SH2D4B: variants seen among roughly 807,000 people sequenced by gnomAD.
SH2D4B encodes the protein SH2 domain-containing protein 4B.
SH2D4B carries 45 observed loss-of-function variants against 61.5 expected under a neutral mutation model. That is an observed-to-expected ratio of 0.73 (90% CI 0.58 to 0.94). The LOEUF is 0.94. SH2D4B is among the 40% of genes least tolerant of loss of function. The pLI is 0.00. For missense variants in SH2D4B, 572 were observed against 574.2 expected, an observed-to-expected ratio of 1.00 and a Z score of 0.04; for synonymous variants, 224 against 220.4, an observed-to-expected ratio of 1.02 and a Z score of -0.14.
At chr10:80,564,535 G>C (rs1403743646) in intron 1 of SH2D4B, among the ~76,000 whole-genome samples, 1 of 152,166 alleles carries the variant, frequency 6.6e-6, no homozygotes, top group Non-Finnish European at 1.5e-5. Context: ...TGAAGTATTG[G>C]AGTGTCTCTC....
chr10:80,600,853 G>C (rs1300916884), intron 4 of SH2D4B, among the ~76,000 whole-genome samples: 1 of 152,120 alleles, frequency 6.6e-6, no homozygotes, highest in African/African-American at 2.4e-5. Context: ...TGTCTCTCAG[G>C]GGCTGTAATC....
At chr10:80,570,988 C>T (rs910259028) in intron 2 of SH2D4B, among the ~76,000 whole-genome samples, 1 of 152,142 alleles carries the variant, frequency 6.6e-6, no homozygotes, top group Non-Finnish European at 1.5e-5. Context: ...GATCCTCCCG[C>T]CTCAGCCTCC....
At chr10:80,563,487 A>C (rs537103481) in intron 1 of SH2D4B, among the ~76,000 whole-genome samples, 6 of 152,076 alleles carry the variant, frequency 3.9e-5, no homozygotes, top group Non-Finnish European at 8.8e-5. Flanking sequence ...CTGTTGTTGC[A>C]TGTGCTTTTG....
intron 4 of SH2D4B, among the ~76,000 whole-genome samples, chr10:80,591,593 C>A (rs576116527): frequency 6.7e-6 from 1 of 148,186 alleles, no homozygotes; most frequent in Admixed American, 6.9e-5. Flanking sequence ...TGCAACCTCT[C>A]CCTCCCAGGC....
At chr10:80,643,816 T>C (rs566906388) in intron 7 of SH2D4B, among the ~76,000 whole-genome samples, 177 bp from the exon 8 acceptor site, 2 of 152,254 alleles carry the variant, frequency 1.3e-5, no homozygotes, top group South Asian at 4.2e-4. Context: ...CCAGTACTTT[T>C]TATGAATTTA....
intron 1 of SH2D4B, among the ~76,000 whole-genome samples, chr10:80,548,221 C>G (rs984467843): frequency 2.6e-5 from 4 of 152,154 alleles, no homozygotes; most frequent in Non-Finnish European, 5.9e-5. Context: ...CTGGAGTGCA[C>G]TGATGTGATC....
chr10:80,542,362 C>T (rs1290549893), intron 1 of SH2D4B, among the ~76,000 whole-genome samples: 3 of 151,774 alleles, frequency 2.0e-5, no homozygotes, highest in Non-Finnish European at 2.9e-5. Flanking sequence ...CACTACTGAC[C>T]CAGGAAGCTT....
At position 80,588,785 on chromosome 10, in the gene SH2D4B, G is replaced by A; in HGVS notation, c.643+8G>A. ...GAGAGTGGGAAGAACAGTGTGAGTA[G>A]AGCTTGTGCCTCAGGCAGGGAGACC... is the stretch of plus-strand genomic sequence containing the variant. On this transcript the variant is annotated splice_region_variant and intron_variant, in intron 4 of 7. Transcript: ENST00000646907. The A allele has an allele frequency of 6.2e-7, 1 of 1,613,760 alleles. No homozygotes were observed. The highest frequency in any genetic ancestry group is 8.5e-7 in the Non-Finnish European group (1 of 1,179,990).
chr10:80,612,807 C>T (rs566714939), intron 6 of SH2D4B, among the ~76,000 whole-genome samples: 2 of 152,262 alleles, frequency 1.3e-5, no homozygotes, highest in African/African-American at 4.8e-5. Flanking sequence ...GATTTCCTTC[C>T]CTTTCCTCAA....
chr10:80,567,618 G>A (rs1841986227), intron 1 of SH2D4B, among the ~76,000 whole-genome samples: 1 of 152,202 alleles, frequency 6.6e-6, no homozygotes, highest in African/African-American at 2.4e-5. Flanking sequence ...AATGCCACCT[G>A]GAAAAGTGGA....
At chr10:80,565,301 T>C (rs967152715) in intron 1 of SH2D4B, among the ~76,000 whole-genome samples, 13 of 151,176 alleles carry the variant, frequency 8.6e-5, no homozygotes, top group African/African-American at 3.1e-4. Flanking sequence ...CCATCCCCTG[T>C]ACCCCCCACC....
intron 1 of SH2D4B, among the ~76,000 whole-genome samples, chr10:80,566,001 A>G (rs1037347686): frequency 3.5e-5 from 5 of 144,588 alleles, no homozygotes; most frequent in African/African-American, 7.5e-5. Flanking sequence ...TGAGGCAGGA[A>G]GATGGCGTGA....
intron 6 of SH2D4B, among the ~76,000 whole-genome samples, chr10:80,613,631 G>C (rs188249068): frequency 6.6e-6 from 1 of 152,340 alleles, no homozygotes; most frequent in Admixed American, 6.5e-5. Flanking sequence ...GCCTTTGGCT[G>C]TCCTCTGTAG....
chr10:80,570,376 C>T (rs1214942535), intron 2 of SH2D4B, 60 bp downstream of exon 2: 39 of 1,569,986 alleles, frequency 2.5e-5, no homozygotes, highest in East Asian at 9.0e-5. Flanking sequence ...CTTAGCCCCA[C>T]GCACGGCTAA....
At chr10:80,579,319 T>C (rs59949474) in intron 3 of SH2D4B, among the ~76,000 whole-genome samples, 8,854 of 152,252 alleles carry the variant, frequency 0.058, 645 homozygotes, top group East Asian at 0.32. Flanking sequence ...ATGAGACAGC[T>C]GGAAACCGGT....
intron 1 of SH2D4B, among the ~76,000 whole-genome samples, chr10:80,565,859 G>A (rs1841959762): frequency 6.6e-6 from 1 of 151,990 alleles, no homozygotes; most frequent in African/African-American, 2.4e-5. Context: ...GGGAGGCCGA[G>A]GCGGGCGGAT....
intron 3 of SH2D4B, among the ~76,000 whole-genome samples, chr10:80,578,001 G>A (rs1051437878): frequency 1.3e-5 from 2 of 150,348 alleles, no homozygotes; most frequent in African/African-American, 2.5e-5. Flanking sequence ...GACAGGGTCC[G>A]GCTCTGTTAC....
At position 80,609,489 on chromosome 10, in the gene SH2D4B, A is replaced by G; in HGVS notation, c.926A>G (p.Glu309Gly). The change falls in exon 6 of 8, where the codon GAG becomes GGG. Residue 309 changes from glutamate to glycine, a missense_variant. Glu to Gly is a moderately conservative substitution (Grantham distance 98, BLOSUM62 -2). Transcript: ENST00000646907. The part of the protein sequence containing the change: ...RDVIVRWFKE[E>G]QLPRRAGFER... ...GTCATCGTCCGCTGGTTTAAGGAGGAGCAGCTGCCTCGCCGAGCTGGCTTC... is the reference window on the plus strand; with the variant it reads ...GTCATCGTCCGCTGGTTTAAGGAGGGGCAGCTGCCTCGCCGAGCTGGCTTC... 6.2e-7 allele frequency: 1 copy of G among 1,614,106 alleles called. No individual in the cohort carries two copies. Among genetic ancestry groups the G allele is most frequent in the Non-Finnish European group, 8.5e-7 (1 of 1,180,020 alleles).
chr10:80,609,730 G>C (rs1589356416), intron 6 of SH2D4B, among the ~76,000 whole-genome samples, 179 bp downstream of exon 6: 1 of 152,182 alleles, frequency 6.6e-6, no homozygotes, highest in Admixed American at 6.5e-5. Flanking sequence ...GATGCTGAAC[G>C]GGCCTCCCAA....
Sources: allele counts gnomAD v4.1 joint callset (sites outside exome capture counted in the v4.1 genomes callset), GRCh38; gene constraint gnomAD v4.1.1; transcripts MANE v1.5; gene names NCBI Gene and HGNC (gene_info 2026-07-23, HGNC 2026-07-21).